The following PCDH15 variants were observed in gnomAD, a reference collection of about 807,000 sequenced individuals.
PCDH15 encodes the protein protocadherin-15.
In PCDH15, 129 loss-of-function variants were observed where a neutral mutation model predicts 178.5. That is an observed-to-expected ratio of 0.72 (90% CI 0.63 to 0.84). PCDH15 has a LOEUF of 0.84. PCDH15 is among the 40% of genes least tolerant of loss of function. PCDH15 has a pLI of 0.00. For synonymous variants in PCDH15, 800 were observed against 732.0 expected, an observed-to-expected ratio of 1.09 and a Z score of -1.50; for missense variants, 2,230 against 2,099.9, an observed-to-expected ratio of 1.06 and a Z score of -1.21.
intron 25 of PCDH15, among the ~76,000 whole-genome samples, chr10:53,929,799 T>C (rs1433110299): frequency 1.3e-5 from 2 of 152,218 alleles, no homozygotes; most frequent in Non-Finnish European, 2.9e-5. Context: ...AGTCTAGTTA[T>C]TGAATCAAAA....
At chr10:54,233,428 C>A (rs12244978) in intron 9 of PCDH15, among the ~76,000 whole-genome samples, 8,309 of 152,254 alleles carry the variant, frequency 0.055, 563 homozygotes, top group African/African-American at 0.17. Flanking sequence ...CTTCCATACA[C>A]TTGTGAATTT....
upstream of PCDH15, among the ~76,000 whole-genome samples, chr10:54,803,893 TA>T (rs1204189807): frequency 1.3e-5 from 2 of 152,230 alleles, no homozygotes; most frequent in African/African-American, 4.8e-5. Context: ...TAATACAGTT[TA>T]AAAATGAATC....
intron 1 of PCDH15, among the ~76,000 whole-genome samples, chr10:55,180,538 TG>T (rs1162291252): frequency 1.3e-5 from 2 of 152,144 alleles, no homozygotes; most frequent in Admixed American, 1.3e-4. Context: ...ATGAAATGCC[TG>T]CTATGAATCA....
At chr10:54,732,495 G>T (rs1407140844) in intron 1 of PCDH15, among the ~76,000 whole-genome samples, 1 of 151,512 alleles carries the variant, frequency 6.6e-6, no homozygotes, top group South Asian at 2.1e-4. Flanking sequence ...AGAAAATAAT[G>T]GATAACCTAA....
chr10:54,564,134 C>G (rs183914079), intron 2 of PCDH15, among the ~76,000 whole-genome samples: 2 of 152,014 alleles, frequency 1.3e-5, no homozygotes, highest in African/African-American at 2.4e-5. Context: ...TTTTTCCCCC[C>G]CACATCATAC....
intron 2 of PCDH15, among the ~76,000 whole-genome samples, chr10:54,977,803 A>T (rs1210134655): frequency 1.3e-5 from 2 of 152,194 alleles, no homozygotes; most frequent in Non-Finnish European, 1.5e-5. Flanking sequence ...ACAAAAATAC[A>T]GTGTCCTTTT....
intron 3 of PCDH15, among the ~76,000 whole-genome samples, chr10:54,389,862 A>G (rs1950339509): frequency 6.6e-6 from 1 of 152,078 alleles, no homozygotes; most frequent in Non-Finnish European, 1.5e-5. Context: ...TAAGGGAAGA[A>G]AATCTCTGGA....
chr10:55,615,850 A>G (rs575356782), intron 2 of PCDH15, among the ~76,000 whole-genome samples: 34 of 152,306 alleles, frequency 2.2e-4, no homozygotes, highest in Admixed American at 3.3e-4. Context: ...GTGAGCTATG[A>G]TCATTCCATC....
chr10:53,890,765 G>T (rs1012492120), intron 26 of PCDH15, among the ~76,000 whole-genome samples: 2 of 151,172 alleles, frequency 1.3e-5, no homozygotes, highest in Admixed American at 1.3e-4. Flanking sequence ...GCCTGTTTTT[G>T]AAAAAAAAGG....
At chr10:55,142,651 T>A (rs1273387832) in intron 2 of PCDH15, among the ~76,000 whole-genome samples, 1 of 105,844 alleles carries the variant, frequency 9.4e-6, no homozygotes, top group Admixed American at 9.0e-5. Flanking sequence ...TGTAGATATA[T>A]CTCTAAAAAG....
chr10:55,366,858 T>C (rs1845372142), intron 2 of PCDH15, among the ~76,000 whole-genome samples: 1 of 152,046 alleles, frequency 6.6e-6, no homozygotes, highest in African/African-American at 2.4e-5. Flanking sequence ...GTATCTATTT[T>C]CTCAAAAGTG....
intron 3 of PCDH15, among the ~76,000 whole-genome samples, chr10:54,884,218 T>C (rs1300979292): frequency 6.6e-6 from 1 of 152,040 alleles, no homozygotes; most frequent in Non-Finnish European, 1.5e-5. Context: ...CTTATATCTA[T>C]AAAATTACCT....
chr10:54,234,388 A>G (rs755157853), intron 9 of PCDH15, among the ~76,000 whole-genome samples: 2 of 152,110 alleles, frequency 1.3e-5, no homozygotes. Context: ...TGTTAATCCT[A>G]TATTAAAGAA....
rs911583106 is a variant in PCDH15 at position 54,172,302 on chromosome 10, C to T, written c.1590+11142G>A. The stretch of plus-strand genomic sequence containing the variant: ...AGAAACACCCCCACTGAGCACCTTG[C>T]GACCCCCGACTCCTGCCCGCCAGAG... On this transcript the variant is annotated intron_variant, in intron 13 of 37. Transcript: ENST00000644397. Among the ~76,000 whole-genome samples, 7 of 152,056 alleles carry T rather than the reference C, an allele frequency of 4.6e-5. No homozygotes were observed. In the South Asian group the frequency reaches 1.5e-3, roughly 32 times the overall value.
intron 18 of PCDH15, among the ~76,000 whole-genome samples, chr10:54,037,863 G>T (rs1290895523): frequency 3.3e-5 from 5 of 151,970 alleles, no homozygotes; most frequent in Non-Finnish European, 5.9e-5. Flanking sequence ...CGTCTAACAT[G>T]ACAAGTGTGA....
chr10:54,462,726 T>C (rs2077274568), intron 3 of PCDH15, among the ~76,000 whole-genome samples: 1 of 135,572 alleles, frequency 7.4e-6, no homozygotes, highest in South Asian at 2.6e-4. Flanking sequence ...AGAGACAGGG[T>C]TTTGCTATGT....
chr10:54,424,366 C>T (rs180780741), intron 3 of PCDH15, among the ~76,000 whole-genome samples: 206 of 151,920 alleles, frequency 1.4e-3, no homozygotes, highest in Admixed American at 3.7e-3. Context: ...ACAACAGGTG[C>T]TGGAGAGGAT....
intron 32 of PCDH15, chr10:53,825,014 C>G (rs931785609): frequency 3.3e-6 from 4 of 1,228,408 alleles, no homozygotes; most frequent in Non-Finnish European, 3.1e-6. Flanking sequence ...TTCCTTTTAA[C>G]AGTAAGTGAG....
At chr10:54,139,483 T>C (rs964765878) in intron 14 of PCDH15, among the ~76,000 whole-genome samples, 5 of 152,090 alleles carry the variant, frequency 3.3e-5, no homozygotes, top group African/African-American at 1.2e-4. Context: ...TTGGTGCTCA[T>C]TGGGTGTCTG....
Sources: allele counts gnomAD v4.1 joint callset (sites outside exome capture counted in the v4.1 genomes callset), GRCh38; gene constraint gnomAD v4.1.1; transcripts MANE v1.5; gene names NCBI Gene and HGNC (gene_info 2026-07-23, HGNC 2026-07-21).